Variants in LRTM1 observed in about 807,000 individuals in gnomAD.
LRTM1 encodes the protein leucine-rich repeat and transmembrane domain-containing protein 1.
In LRTM1, 38 loss-of-function variants were observed where a neutral mutation model predicts 32.4. That is an observed-to-expected ratio of 1.17 (90% confidence interval 0.91 to 1.54). LRTM1 has a LOEUF of 1.54. LRTM1 is among the 40% of genes most tolerant of loss of function. The pLI, the probability that LRTM1 is intolerant of heterozygous loss-of-function variation, is 0.00. For missense variants in LRTM1, 466 were observed against 415.4 expected (o/e 1.12, Z -1.06); for synonymous variants, 186 against 169.9 (o/e 1.09, Z -0.74).
intron 1 of LRTM1, among the ~76,000 whole-genome samples, chr3:54,955,107 G>GT (rs766782937): frequency 2.0e-5 from 3 of 152,136 alleles, no homozygotes; most frequent in Non-Finnish European, 2.9e-5. Flanking sequence ...TCGAACGTAC[G>GT]TAACATGGGG....
chr3:54,926,111 C>T (rs1668829881), intron 1 of LRTM1, among the ~76,000 whole-genome samples: 1 of 152,160 alleles, frequency 6.6e-6, no homozygotes, highest in Non-Finnish European at 1.5e-5. Flanking sequence ...TATTTTCCAG[C>T]ATAAGCCCTT....
chr3:54,948,762 C>T (rs992123954), intron 1 of LRTM1, among the ~76,000 whole-genome samples: 1 of 152,188 alleles, frequency 6.6e-6, no homozygotes, highest in African/African-American at 2.4e-5. Flanking sequence ...TGTGACAGAT[C>T]TCTATACATG....
chr3:54,948,138 A>C (rs1006565050), intron 1 of LRTM1, among the ~76,000 whole-genome samples: 1 of 152,146 alleles, frequency 6.6e-6, no homozygotes, highest in African/African-American at 2.4e-5. Context: ...TTACAATGAC[A>C]TTCTATTTCT....
Position 54,956,130 on chromosome 3 carries a change from T to A in LRTM1, c.-222+10798A>T, listed in dbSNP as rs2048809. 1.8e-3 allele frequency among the ~76,000 whole-genome samples: 271 copies of A among 152,040 alleles called. 1 individual carries two copies. The highest frequency in any genetic ancestry group is 2.7e-3 in the Non-Finnish European group (184 of 67,984). On this transcript the variant is annotated intron_variant, in intron 1 of 2. Coordinates refer to the LRTM1 transcript ENST00000493075. ...TGCAGCTCTTCTGGGAGGATCTGCC[T>A]TGGGCCAGGTCTGCTGCAGCTGATC...
intron 2 of LRTM1, among the ~76,000 whole-genome samples, chr3:54,923,094 G>T (rs1027007164): frequency 1.3e-5 from 2 of 152,132 alleles, no homozygotes; most frequent in East Asian, 3.9e-4. Context: ...GCAGCCTTTC[G>T]TCAGTTCTCC....
In LRTM1 at chr3:54,945,636, A is replaced by G. The variant is rs368348314; in HGVS notation, c.-221-20421T>C. On this transcript the variant is annotated intron_variant, in intron 1 of 2. Transcript: ENST00000493075. ...GTGTCAGTGCCTCTCAGCCCACCCAATGGAATCTCAAGCTTATCCAGTGCA... is the reference window on the plus strand; with the variant it reads ...GTGTCAGTGCCTCTCAGCCCACCCAGTGGAATCTCAAGCTTATCCAGTGCA... Among the ~76,000 whole-genome samples the G allele has an allele frequency of 4.6e-5, 7 of 152,158 alleles. 1 individual carries two copies. The highest frequency in any genetic ancestry group is 2.0e-4 in the Admixed American group (3 of 15,268).
intron 1 of LRTM1, among the ~76,000 whole-genome samples, chr3:54,959,342 C>T (rs896285625): frequency 6.6e-5 from 10 of 152,148 alleles, no homozygotes; most frequent in African/African-American, 2.4e-4. Context: ...GCTGGGTGTG[C>T]TTGGGCAAGT....
intron 1 of LRTM1, among the ~76,000 whole-genome samples, chr3:54,926,661 G>T (rs547100692): frequency 6.6e-6 from 1 of 152,158 alleles, no homozygotes. Context: ...ACATGGATAC[G>T]TGGAAAGCTA....
At chr3:54,929,110 G>A (rs984904650), upstream of LRTM1, among the ~76,000 whole-genome samples, 4 of 152,144 alleles carry the variant, frequency 2.6e-5, no homozygotes, top group African/African-American at 9.7e-5. Flanking sequence ...TTTGGGCTCT[G>A]GAATCAGGTG....
intron 2 of LRTM1, among the ~76,000 whole-genome samples, chr3:54,921,017 A>C (rs1433445189): frequency 1.3e-5 from 2 of 152,162 alleles, no homozygotes. Context: ...GGTGATCCTC[A>C]GCCGGGATGC....
chr3:54,932,199 G>T (rs1169556400), upstream of LRTM1, among the ~76,000 whole-genome samples: 1 of 151,918 alleles, frequency 6.6e-6, no homozygotes, highest in Non-Finnish European at 1.5e-5. Flanking sequence ...AATAATAAAT[G>T]AAAAAGAATA....
intron 1 of LRTM1, among the ~76,000 whole-genome samples, chr3:54,925,591 T>C (rs567893924): frequency 6.6e-6 from 1 of 152,276 alleles, no homozygotes; most frequent in East Asian, 1.9e-4. Context: ...AAAAGAGTGT[T>C]AGAGGATTTC....
intron 1 of LRTM1, among the ~76,000 whole-genome samples, chr3:54,926,505 TACACAC>T (rs36205023): frequency 0.25 from 35,537 of 143,112 alleles, 4,587 homozygotes; most frequent in East Asian, 0.43. Flanking sequence ...GCCTGTCAAA[TACACAC>T]ACACACACAC....
At chr3:54,922,827 C>G (rs1475788070) in intron 2 of LRTM1, among the ~76,000 whole-genome samples, 4 of 152,184 alleles carry the variant, frequency 2.6e-5, no homozygotes, top group Admixed American at 1.3e-4. Context: ...TCACTCCCCC[C>G]AGTCCCCTCT....
At chr3:54,933,051 C>CCCTTCCTTCCTTCCTTCCTTCCTT (rs60554563), upstream of LRTM1, among the ~76,000 whole-genome samples, 1 of 139,446 alleles carries the variant, frequency 7.2e-6, no homozygotes, top group African/African-American at 2.7e-5. Flanking sequence ...ATCCATCCCT[C>CCCTTCCTTCCTTCCTTCCTTCCTT]CCTTCCTTCC....
chr3:54,952,421 G>C (rs1189306069), intron 1 of LRTM1, among the ~76,000 whole-genome samples: 1 of 152,168 alleles, frequency 6.6e-6, no homozygotes, highest in Non-Finnish European at 1.5e-5. Flanking sequence ...GAGCATCTTA[G>C]GAGCTCTTTT....
chr3:54,934,507 T>C (rs1701281539), intron 1 of LRTM1, among the ~76,000 whole-genome samples: 1 of 152,204 alleles, frequency 6.6e-6, no homozygotes, highest in Non-Finnish European at 1.5e-5. Context: ...TTGAACTCCC[T>C]TTAGCAGGCC....
rs562032258 is a variant in LRTM1, at chr3:54,964,572, G to A, written c.-222+2356C>T. Among the ~76,000 whole-genome samples, 4 of 152,282 alleles carry A rather than the reference G, an allele frequency of 2.6e-5. No homozygotes were observed. The South Asian group carries it at 8.3e-4, about 32-fold the overall frequency. ...TAGACGGGCTTGACAAATGTCTCAG[G>A]TTCCATTTAGGTTATGTGGGGGCTG... On this transcript the variant is annotated intron_variant, in intron 1 of 2. Coordinates refer to the LRTM1 transcript ENST00000493075.
intron 1 of LRTM1, among the ~76,000 whole-genome samples, chr3:54,954,897 G>A (rs78369765): frequency 0.015 from 2,214 of 152,230 alleles, 54 homozygotes; most frequent in African/African-American, 0.05. Flanking sequence ...GAGAGGCGCC[G>A]ATTAACCTCC....
Sources: allele counts gnomAD v4.1 joint callset (sites outside exome capture counted in the v4.1 genomes callset), GRCh38; gene constraint gnomAD v4.1.1; transcripts MANE v1.5; gene names NCBI Gene and HGNC (gene_info 2026-07-23, HGNC 2026-07-21).